TMEM266: variants seen among roughly 807,000 people sequenced by gnomAD.
TMEM266 encodes Hv1 related protein 1.
TMEM266 carries 33 observed loss-of-function variants against 50.5 expected under a neutral mutation model. The observed-to-expected ratio is 0.65, with a 90% CI of 0.50 to 0.87. The LOEUF is 0.87. Among genes scored for constraint, TMEM266 ranks in the 40% least tolerant of loss-of-function variants. The pLI, the probability that TMEM266 is intolerant of heterozygous loss-of-function variation, is 0.00. For synonymous variants in TMEM266, 310 were observed against 292.3 expected (o/e 1.06, Z -0.62); for missense variants, 655 against 695.1 (o/e 0.94, Z 0.65).
chr15:76,074,482 A>G (rs1223069332), intron 1 of TMEM266, among the ~76,000 whole-genome samples: 2 of 152,066 alleles, frequency 1.3e-5, no homozygotes, highest in Non-Finnish European at 2.9e-5. Context: ...GACACTTCAA[A>G]TTAATGCTTA....
chr15:76,148,921 C>G (rs192667748), intron 3 of TMEM266, among the ~76,000 whole-genome samples: 2 of 152,254 alleles, frequency 1.3e-5, no homozygotes, highest in African/African-American at 2.4e-5. Context: ...CTGAAGCTGC[C>G]GGTATGGAAA....
rs2038019653 is a variant in TMEM266, at chr15:76,161,631, G to A, written c.456+1463G>A. 6.6e-6 allele frequency among the ~76,000 whole-genome samples: 1 copy of A among 152,170 alleles called. No homozygotes were observed. The highest frequency in any genetic ancestry group is 1.5e-5 in the Non-Finnish European group (1 of 68,010). On this transcript the variant is annotated intron_variant, in intron 5 of 10. Coordinates refer to ENST00000388942, the MANE Select transcript of TMEM266 (RefSeq NM_152335.3). This position sits in a 1 kb window ranked among gnomAD's most constrained non-coding sequence, Gnocchi z 4.1. ...CTCCTACAGCCCACGGAGCTGGCTG[G>A]TGAGCCTGGGCCTGAGGCTCAGATG...
chr15:76,158,338 C>T (rs1032094758), intron 4 of TMEM266, among the ~76,000 whole-genome samples: 6 of 152,170 alleles, frequency 3.9e-5, no homozygotes, highest in Admixed American at 1.3e-4. Context: ...ATAAAGTGAC[C>T]GGTACTGGTT....
chr15:76,184,343 C>G (rs1188164702), intron 8 of TMEM266, among the ~76,000 whole-genome samples: 3 of 152,196 alleles, frequency 2.0e-5, no homozygotes, highest in Non-Finnish European at 4.4e-5. Flanking sequence ...AGAGGAATAA[C>G]TTATGTTATC....
chr15:76,149,732 C>T (rs776237406), intron 3 of TMEM266, among the ~76,000 whole-genome samples: 5 of 152,198 alleles, frequency 3.3e-5, no homozygotes, highest in Non-Finnish European at 7.3e-5. Context: ...TGGCTTTCCC[C>T]TCCATGACAA....
rs188497366 is a variant in TMEM266 at position 76,097,257 on chromosome 15, G to A, written c.-96-36911G>A. Among the ~76,000 whole-genome samples the A allele has an allele frequency of 6.6e-3, 1,009 of 152,120 alleles. 16 individuals carry two copies. Among genetic ancestry groups the A allele is most frequent in the African/African-American group, 0.023 (938 of 41,520 alleles). Reference sequence around the variant, plus strand: ...GTTTTTGCTGTGGCTGGTACTGGTTGTTCCTTTCCATGTTTAGTGCTTCCT... The same window carrying A: ...GTTTTTGCTGTGGCTGGTACTGGTTATTCCTTTCCATGTTTAGTGCTTCCT... On this transcript the variant is annotated intron_variant, in intron 1 of 10. Transcript: ENST00000388942.
intron 1 of TMEM266, among the ~76,000 whole-genome samples, chr15:76,099,121 T>G (rs2036962161): frequency 6.6e-6 from 1 of 152,146 alleles, no homozygotes; most frequent in Non-Finnish European, 1.5e-5. Flanking sequence ...CAGGCGCCAC[T>G]GGGGTATGGA....
intron 1 of TMEM266, among the ~76,000 whole-genome samples, chr15:76,092,630 C>T (rs1293877732): frequency 6.6e-6 from 1 of 151,540 alleles, no homozygotes; most frequent in Non-Finnish European, 1.5e-5. Context: ...GCGGAAATTA[C>T]AGTGAGCTGA....
At position 76,102,077 on chromosome 15, in the gene TMEM266, C is replaced by A. The variant is rs566185051; in HGVS notation, c.-96-32091C>A. On this transcript the variant is annotated intron_variant, in intron 1 of 10. Transcript: ENST00000388942. ...TTGGGTGACCTGCGGCAACTCTTCA[C>A]TCACCCATATCCAGGCCCCTAACAT... Among the ~76,000 whole-genome samples, 11 of 152,314 alleles carry A rather than the reference C, an allele frequency of 7.2e-5. No individual in the cohort carries two copies. In the East Asian group the frequency reaches 2.1e-3, roughly 29 times the overall value.
At chr15:76,104,021 C>T (rs991213662) in intron 1 of TMEM266, among the ~76,000 whole-genome samples, 6 of 150,828 alleles carry the variant, frequency 4.0e-5, no homozygotes, top group African/African-American at 1.5e-4. Flanking sequence ...TCCTGGCTAA[C>T]ATGATGAAAC....
intron 5 of TMEM266, among the ~76,000 whole-genome samples, chr15:76,162,771 G>A (rs141454733): frequency 2.2e-4 from 34 of 152,298 alleles, no homozygotes; most frequent in Admixed American, 5.9e-4. Context: ...AAGTCCGACC[G>A]AGTGATCACT....
At position 76,204,312 on chromosome 15, in the gene TMEM266, C is replaced by T. The variant is rs775551637; in HGVS notation, c.1593C>T (p.Ala531=). The T allele has an allele frequency of 1.9e-6, 3 of 1,598,248 alleles. No homozygotes were observed. Among genetic ancestry groups the T allele is most frequent in the South Asian group, 2.2e-5 (2 of 89,880 alleles). ...AAAAGCTGCACAGGGTCCCTGAGGC[C>T]TAGAGCCTGCCATGGGCTGGGTGAG... The change falls in exon 11 of 11, where the codon GCC becomes GCT. Residue 531 remains alanine (A), a synonymous_variant. Coordinates refer to ENST00000388942, the MANE Select transcript of TMEM266 (RefSeq NM_152335.3).
intron 1 of TMEM266, among the ~76,000 whole-genome samples, chr15:76,079,492 AACAAGATC>A (rs529694597): frequency 2.0e-3 from 294 of 145,724 alleles, no homozygotes; most frequent in Middle Eastern, 7.1e-3. Flanking sequence ...ACTATTTCTA[AACAAGATC>A]ACATTCTGGC....
At chr15:76,184,817 C>T (rs1463920956) in intron 8 of TMEM266, among the ~76,000 whole-genome samples, 1 of 152,220 alleles carries the variant, frequency 6.6e-6, no homozygotes, top group Non-Finnish European at 1.5e-5. Flanking sequence ...ATACTGCGGG[C>T]TTCCCTGTGG....
intron 9 of TMEM266, among the ~76,000 whole-genome samples, chr15:76,198,722 AAGGCCC>A (rs1225312335): frequency 6.6e-6 from 1 of 152,236 alleles, no homozygotes; most frequent in African/African-American, 2.4e-5. Context: ...TCTGCCCTCC[AAGGCCC>A]TTGGTCCCCC....
intron 1 of TMEM266, among the ~76,000 whole-genome samples, chr15:76,129,346 A>G (rs2037469620): frequency 1.3e-5 from 2 of 152,170 alleles, no homozygotes; most frequent in Admixed American, 6.5e-5. Flanking sequence ...AACATGTTAG[A>G]AAACTGCTAA....
rs71140199 is a variant in TMEM266 at position 76,183,103 on chromosome 15, C to CTTTTTTTTTTTT, written c.768+7448_768+7459dup. Reference sequence around the variant, plus strand: ...CCTCCAGGCTGCTTCCATTTTGTGGCTTTTTTTTTTTTTTTTTTTTTTTTT... The same window carrying CTTTTTTTTTTTT: ...CCTCCAGGCTGCTTCCATTTTGTGGCTTTTTTTTTTTTTTTTTTTTTTTTTTTTTTTTTTTTT... On this transcript the variant is annotated intron_variant, in intron 8 of 10. Coordinates refer to ENST00000388942, the MANE Select transcript of TMEM266 (RefSeq NM_152335.3). Among the ~76,000 whole-genome samples the CTTTTTTTTTTTT allele has an allele frequency of 1.4e-3, 63 of 44,168 alleles. 10 individuals carry two copies. The highest frequency in any genetic ancestry group is 6.5e-3 in the South Asian group (4 of 620). 29.0% of individuals were successfully genotyped at this position (44,168 alleles called of 152,430 possible).
chr15:76,129,185 G>A lies in TMEM266; in HGVS notation c.-96-4983G>A, dbSNP rs2037467230. Reference sequence around the variant, plus strand: ...ATATAGGAAGCAATTATCAATGGCTGTTAGTATAATAAAAAGAGGGACAAG... The same window carrying A: ...ATATAGGAAGCAATTATCAATGGCTATTAGTATAATAAAAAGAGGGACAAG... On this transcript the variant is annotated intron_variant, in intron 1 of 10. Transcript: ENST00000388942. Among the ~76,000 whole-genome samples, 4 of 152,276 alleles carry A rather than the reference G, an allele frequency of 2.6e-5. No homozygotes were observed. In the South Asian group the frequency reaches 8.3e-4, roughly 32 times the overall value.
At chr15:76,069,628 G>A (rs1197106446) in intron 1 of TMEM266, among the ~76,000 whole-genome samples, 1 of 152,096 alleles carries the variant, frequency 6.6e-6, no homozygotes, top group East Asian at 1.9e-4. Context: ...AGATCAGCCT[G>A]GTCAACATGG....
Sources: gnomAD v4.1 joint callset for allele counts (sites outside exome capture counted in the v4.1 genomes callset) on GRCh38, gnomAD v4.1.1 for gene constraint, Gnocchi (gnomAD v3.1) non-coding constraint, MANE v1.5 for transcripts, NCBI Gene and HGNC (gene_info 2026-07-23, HGNC 2026-07-21) for gene names.